Variants in UNC5D observed in about 807,000 individuals in gnomAD.
UNC5D encodes unc-5 netrin receptor D.
In UNC5D, 39 loss-of-function variants were observed where a neutral mutation model predicts 105.4. The ratio of observed to expected loss-of-function variants is 0.37; its 90% CI spans 0.29 to 0.48. The LOEUF is 0.48. UNC5D is among the 20% of genes least tolerant of loss of function. UNC5D has a pLI of 0.98. For missense variants in UNC5D, 991 were observed against 1,202.4 expected, an observed-to-expected ratio of 0.82 and a Z score of 2.60; for synonymous variants, 452 against 450.4, an observed-to-expected ratio of 1.00 and a Z score of -0.04.
intron 1 of UNC5D, among the ~76,000 whole-genome samples, chr8:35,269,746 G>A (rs1376163685): frequency 6.6e-6 from 1 of 152,118 alleles, no homozygotes; most frequent in Admixed American, 6.6e-5. Context: ...TACTTTAGTA[G>A]TCTATTTCAT....
At chr8:35,427,426 C>T (rs968734093) in intron 1 of UNC5D, among the ~76,000 whole-genome samples, 9 of 152,186 alleles carry the variant, frequency 5.9e-5, no homozygotes, top group Non-Finnish European at 1.2e-4. Flanking sequence ...CAGACTGCCG[C>T]TGTATGAAAT....
At chr8:35,297,960 G>A (rs1435716752) in intron 1 of UNC5D, among the ~76,000 whole-genome samples, 4 of 152,132 alleles carry the variant, frequency 2.6e-5, no homozygotes, top group African/African-American at 9.7e-5. Context: ...CCTTTAGTCA[G>A]TAGCATTCCT....
intron 1 of UNC5D, among the ~76,000 whole-genome samples, chr8:35,366,252 T>G (rs760639741): frequency 2.6e-5 from 4 of 152,158 alleles, no homozygotes; most frequent in Non-Finnish European, 5.9e-5. Flanking sequence ...CTGTTTTTCC[T>G]TGTTCCTTAC....
At chr8:35,287,816 T>C (rs1403678649) in intron 1 of UNC5D, among the ~76,000 whole-genome samples, 2 of 151,706 alleles carry the variant, frequency 1.3e-5, no homozygotes, top group African/African-American at 4.8e-5. Context: ...AAAAAATGAC[T>C]AAATAATAAA....
intron 1 of UNC5D, among the ~76,000 whole-genome samples, chr8:35,384,762 C>T (rs375420590): frequency 9.9e-5 from 15 of 152,140 alleles, no homozygotes; most frequent in East Asian, 1.9e-4. Flanking sequence ...TAGAGAAGGG[C>T]GGTTGATCTA....
Position 35,748,683 on chromosome 8 carries a change from G to A in UNC5D, c.1923G>A (p.Gln641=), listed in dbSNP as rs1320373293. The change falls in exon 12 of 17, where the codon CAG becomes CAA. Residue 641 remains glutamine, a synonymous_variant. Transcript: ENST00000404895. Reference sequence around the variant, plus strand: ...TCCATTTAAAGAAGAGGACACAGCAGGGCAAATGGGAGGTGAGACCCTTTA... The same window carrying A: ...TCCATTTAAAGAAGAGGACACAGCAAGGCAAATGGGAGGTGAGACCCTTTA... ...WNIHLKKRTQ[Q]GKWEEVMSVE... 1.2e-6 allele frequency: 2 copies of A among 1,612,752 alleles called. No individual in the cohort carries two copies. The highest frequency in any genetic ancestry group is 2.2e-5 in the South Asian group (2 of 90,720).
intron 8 of UNC5D, among the ~76,000 whole-genome samples, chr8:35,707,013 C>T (rs1203432573): frequency 6.6e-6 from 1 of 152,170 alleles, no homozygotes; most frequent in Non-Finnish European, 1.5e-5. Flanking sequence ...GTTTGTAAAG[C>T]TTGTGAAAGA....
At chr8:35,502,083 G>A (rs76836997) in intron 1 of UNC5D, among the ~76,000 whole-genome samples, 1,587 of 152,306 alleles carry the variant, frequency 0.01, 28 homozygotes, top group African/African-American at 0.036. Flanking sequence ...AGTGTTTTAC[G>A]AGCATATTAA....
At chr8:35,473,472 T>C (rs1209112624) in intron 1 of UNC5D, among the ~76,000 whole-genome samples, 1 of 152,152 alleles carries the variant, frequency 6.6e-6, no homozygotes, top group Non-Finnish European at 1.5e-5. Flanking sequence ...TTTTTTCTCA[T>C]CCACTGCACA....
chr8:35,671,786 A>G (rs547009473), intron 4 of UNC5D, among the ~76,000 whole-genome samples: 80 of 152,280 alleles, frequency 5.3e-4, no homozygotes, highest in Middle Eastern at 3.4e-3. Context: ...TAGAAGATGA[A>G]TAAGTGTAGA....
At chr8:35,767,732 A>G (rs1423821394) in intron 15 of UNC5D, among the ~76,000 whole-genome samples, 2 of 152,234 alleles carry the variant, frequency 1.3e-5, no homozygotes, top group African/African-American at 4.8e-5. Context: ...ATTGGAAGGT[A>G]GAGTTACAAG....
chr8:35,631,786 A>G (rs1469159560), intron 4 of UNC5D, among the ~76,000 whole-genome samples: 1 of 152,196 alleles, frequency 6.6e-6, no homozygotes, highest in East Asian at 1.9e-4. Flanking sequence ...ATAGGATTAC[A>G]ATATAGGGAT....
intron 1 of UNC5D, among the ~76,000 whole-genome samples, chr8:35,251,229 G>C (rs1162798034): frequency 6.6e-6 from 1 of 152,136 alleles, no homozygotes; most frequent in Admixed American, 6.5e-5. Flanking sequence ...GTTCAACATG[G>C]CTGGGTAGGC....
intron 1 of UNC5D, among the ~76,000 whole-genome samples, chr8:35,353,815 C>T (rs983714448): frequency 2.0e-5 from 3 of 152,036 alleles, no homozygotes; most frequent in Non-Finnish European, 4.4e-5. Flanking sequence ...CATCTCTGCA[C>T]ATACACGTGT....
chr8:35,248,009 AT>A (rs1803262021), intron 1 of UNC5D, among the ~76,000 whole-genome samples: 1 of 32,858 alleles, frequency 3.0e-5, no homozygotes, highest in Non-Finnish European at 4.7e-5. Flanking sequence ...TATATATAAA[AT>A]ATATATAATA....
chr8:35,654,652 T>G (rs1823625323), intron 4 of UNC5D, among the ~76,000 whole-genome samples: 2 of 152,164 alleles, frequency 1.3e-5, no homozygotes, highest in African/African-American at 4.8e-5. Flanking sequence ...ATGACATGCT[T>G]TATCTAACAT....
At chr8:35,712,205 A>G (rs1476838044) in intron 8 of UNC5D, among the ~76,000 whole-genome samples, 2 of 152,212 alleles carry the variant, frequency 1.3e-5, no homozygotes, top group Non-Finnish European at 2.9e-5. Flanking sequence ...CAGGAGGCAG[A>G]GGTTACATTG....
intron 1 of UNC5D, among the ~76,000 whole-genome samples, chr8:35,289,775 T>A (rs1039676885): frequency 2.0e-5 from 3 of 152,046 alleles, no homozygotes; most frequent in Admixed American, 2.0e-4. Flanking sequence ...AAATGGCCAA[T>A]AGGTATATGA....
chr8:35,703,952 G>A (rs1008664332), intron 7 of UNC5D, among the ~76,000 whole-genome samples: 5 of 152,160 alleles, frequency 3.3e-5, no homozygotes, highest in African/African-American at 1.2e-4. Context: ...ATTCTTGAAT[G>A]CATTAGCATC....
Sources: gnomAD v4.1 joint callset for allele counts (sites outside exome capture counted in the v4.1 genomes callset) on GRCh38, gnomAD v4.1.1 for gene constraint, MANE v1.5 for transcripts, NCBI Gene and HGNC (gene_info 2026-07-23, HGNC 2026-07-21) for gene names.